TMEM72: variants seen among roughly 807,000 people sequenced by gnomAD.
TMEM72 encodes the protein transmembrane protein 72.
TMEM72 carries 9 observed loss-of-function variants against 16.3 expected under a neutral mutation model. The ratio of observed to expected loss-of-function variants is 0.55; its 90% CI spans 0.33 to 0.96. The LOEUF is 0.96. TMEM72 is among the 40% of genes least tolerant of loss of function. TMEM72 has a pLI of 0.03. For synonymous variants in TMEM72, 160 were observed against 146.5 expected (o/e 1.09, Z -0.66); for missense variants, 324 against 337.8 (o/e 0.96, Z 0.32).
At chr10:44,931,056 C>A (rs182208080) in intron 2 of TMEM72, among the ~76,000 whole-genome samples, 1 of 152,336 alleles carries the variant, frequency 6.6e-6, no homozygotes, top group Admixed American at 6.5e-5. Flanking sequence ...AGACAGGGAA[C>A]GCCCTCTGGG....
At chr10:44,929,568 G>A (rs189455235) in intron 2 of TMEM72, among the ~76,000 whole-genome samples, 2 of 152,176 alleles carry the variant, frequency 1.3e-5, no homozygotes, top group Admixed American at 1.3e-4. Context: ...GTGTTTGGGG[G>A]CTCACACCTG....
At chr10:44,917,065 T>C (rs1011760896) in intron 1 of TMEM72, among the ~76,000 whole-genome samples, 1 of 152,008 alleles carries the variant, frequency 6.6e-6, no homozygotes, top group Non-Finnish European at 1.5e-5. Flanking sequence ...CATAGACACA[T>C]GGATTAGAAT....
At chr10:44,925,710 GGTTT>G (rs1163193191) in intron 1 of TMEM72, among the ~76,000 whole-genome samples, 1 of 152,198 alleles carries the variant, frequency 6.6e-6, no homozygotes, top group African/African-American at 2.4e-5. Context: ...TTGGTTGGTT[GGTTT>G]GACTTACATT....
intron 2 of TMEM72, among the ~76,000 whole-genome samples, chr10:44,929,569 C>A (rs962409134): frequency 1.4e-4 from 22 of 152,338 alleles, no homozygotes; most frequent in Non-Finnish European, 1.0e-4. Flanking sequence ...TGTTTGGGGG[C>A]TCACACCTGC....
chr10:44,923,731 C>T (rs1840140285), intron 1 of TMEM72, among the ~76,000 whole-genome samples: 1 of 152,208 alleles, frequency 6.6e-6, no homozygotes, highest in Non-Finnish European at 1.5e-5. Flanking sequence ...ACACCTCTGC[C>T]CCCCTACTGC....
At chr10:44,916,690 T>C (rs981309501) in intron 1 of TMEM72, among the ~76,000 whole-genome samples, 2 of 152,144 alleles carry the variant, frequency 1.3e-5, no homozygotes, top group Non-Finnish European at 2.9e-5. Flanking sequence ...TCCAAGTGAA[T>C]GTTGACTGTT....
chr10:44,911,668 A>C (rs1371207578), intron 1 of TMEM72, 86 bp downstream of exon 1: 1 of 1,451,482 alleles, frequency 6.9e-7, no homozygotes, highest in Non-Finnish European at 9.4e-7. Context: ...GCCAGGAGAC[A>C]GCAGGCACAT....
chr10:44,925,384 A>G (rs1840169712), intron 1 of TMEM72, among the ~76,000 whole-genome samples: 1 of 152,232 alleles, frequency 6.6e-6, no homozygotes, highest in Non-Finnish European at 1.5e-5. Context: ...GTCTGCCACA[A>G]GCCCCCTGCA....
At chr10:44,911,674 C>A in intron 1 of TMEM72, 92 bp downstream of exon 1, 2 of 1,376,908 alleles carry the variant, frequency 1.5e-6, no homozygotes, top group South Asian at 1.2e-5. Context: ...AGACAGCAGG[C>A]ACATCTGGCC....
intron 1 of TMEM72, among the ~76,000 whole-genome samples, chr10:44,924,433 T>A (rs950283248): frequency 1.3e-5 from 2 of 152,204 alleles, no homozygotes; most frequent in African/African-American, 4.8e-5. Context: ...TCTCTCCTGC[T>A]GGACTAAGCA....
intron 1 of TMEM72, among the ~76,000 whole-genome samples, chr10:44,914,961 G>A (rs1165595449): frequency 6.6e-6 from 1 of 152,190 alleles, no homozygotes; most frequent in African/African-American, 2.4e-5. Flanking sequence ...GGAAGAGCAT[G>A]GGAAGAGCCC....
At chr10:44,924,204 T>A (rs1840148074) in intron 1 of TMEM72, among the ~76,000 whole-genome samples, 1 of 152,226 alleles carries the variant, frequency 6.6e-6, no homozygotes, top group Admixed American at 6.5e-5. Flanking sequence ...CCCCTGCTTC[T>A]GCTGTTAGGG....
intron 3 of TMEM72, 94 bp from the exon 4 acceptor site, chr10:44,933,543 G>T (rs1009774702): frequency 6.7e-7 from 1 of 1,501,648 alleles, no homozygotes; most frequent in African/African-American, 1.4e-5. Flanking sequence ...TGCAGAGCAT[G>T]CCCACAGCAG....
At chr10:44,928,020 G>A (rs1202794581) in intron 2 of TMEM72, 33 bp downstream of exon 2, 1 of 1,609,630 alleles carries the variant, frequency 6.2e-7, no homozygotes, top group South Asian at 1.1e-5. Context: ...CTTTTGACCT[G>A]CAAGTTCTGC....
chr10:44,931,779 C>T (rs1467440471), intron 2 of TMEM72: 1 of 562,768 alleles, frequency 1.8e-6, no homozygotes, highest in South Asian at 2.2e-5. Flanking sequence ...GTGCCCTCCC[C>T]ACCCATCTCT....
At chr10:44,929,687 C>T (rs560228490) in intron 2 of TMEM72, among the ~76,000 whole-genome samples, 1 of 152,406 alleles carries the variant, frequency 6.6e-6, no homozygotes, top group East Asian at 1.9e-4. Flanking sequence ...GGTCCACACC[C>T]TGTGCCATAT....
rs376279991 is a variant in TMEM72, at chr10:44,923,807, CT to C, written c.71-4113del. Among the ~76,000 whole-genome samples the C allele has an allele frequency of 3.7e-3, 566 of 152,314 alleles. 2 individuals carry two copies. The highest frequency in any genetic ancestry group is 0.013 in the African/African-American group (536 of 41,560). ...GCCTTCTGCTTTATGCCTGGGAAGC[CT>C]CCTTCTCTGGGTCCCCAGACAGAAC... On this transcript the variant is annotated intron_variant, in intron 1 of 4. Coordinates refer to ENST00000389583, the MANE Select transcript of TMEM72 (RefSeq NM_001123376.3).
At chr10:44,929,639 G>T (rs1454275325) in intron 2 of TMEM72, among the ~76,000 whole-genome samples, 1 of 152,240 alleles carries the variant, frequency 6.6e-6, no homozygotes, top group Non-Finnish European at 1.5e-5. Flanking sequence ...TAGACACACA[G>T]ATCTCTCTGA....
chr10:44,920,257 C>T (rs1351401187), intron 1 of TMEM72: 1 of 152,288 alleles, frequency 6.6e-6, no homozygotes, highest in Admixed American at 6.5e-5. Flanking sequence ...CATGTTACCA[C>T]CAAGGGCATC....
Sources: allele counts gnomAD v4.1 joint callset (sites outside exome capture counted in the v4.1 genomes callset), GRCh38; gene constraint gnomAD v4.1.1; transcripts MANE v1.5; gene names NCBI Gene and HGNC (gene_info 2026-07-23, HGNC 2026-07-21).